Variants in ETV6 observed in about 807,000 individuals in gnomAD.
The protein encoded by ETV6 is ETS variant transcription factor 6, also known as transcription factor ETV6.
Under a neutral mutation model 51.1 loss-of-function variants are expected in ETV6, and 16 were observed. The observed-to-expected ratio is 0.31, with a 90% CI of 0.21 to 0.48. The LOEUF (loss-of-function observed/expected upper bound fraction) is 0.48, where lower values mean the gene tolerates loss of function less well. Among genes scored for constraint, ETV6 ranks in the 20% least tolerant of loss-of-function variants. ETV6 has a pLI of 0.99. For missense variants in ETV6, 458 were observed against 594.8 expected, an observed-to-expected ratio of 0.77 and a Z score of 2.39; for synonymous variants, 240 against 224.1, an observed-to-expected ratio of 1.07 and a Z score of -0.64.
rs1308270481 is a variant in ETV6, at chr12:11,687,502, A to G, written c.33+37342A>G. Among the ~76,000 whole-genome samples the G allele has an allele frequency of 7.2e-5, 11 of 152,090 alleles. No individual in the cohort carries two copies. In the East Asian group the frequency reaches 2.1e-3, roughly 29 times the overall value. On this transcript the variant is annotated intron_variant, in intron 1 of 7. Coordinates refer to ENST00000396373, the MANE Select transcript of ETV6 (RefSeq NM_001987.5). ...CGCCACACCCCCTTTTTTTCTTAAT[A>G]AGAAAATGAGTAGACACATCCCTGG...
intron 1 of ETV6, among the ~76,000 whole-genome samples, chr12:11,691,819 T>G (rs531293314): frequency 6.6e-6 from 1 of 152,378 alleles, no homozygotes; most frequent in East Asian, 1.9e-4. Flanking sequence ...TATTCATGTA[T>G]GTATAATCAG....
In ETV6 at chr12:11,869,469, A is replaced by G; in HGVS notation, c.509A>G (p.His170Arg). 1.2e-6 allele frequency: 2 copies of G among 1,613,996 alleles called. No individual in the cohort carries two copies. Among genetic ancestry groups the G allele is most frequent in the South Asian group, 2.2e-5 (2 of 91,068 alleles). Residue 170 changes from histidine (H) to arginine (R), a missense_variant, in exon 5 of 8, where the codon CAC (histidine) becomes CGC (arginine). Physicochemically the swap from His to Arg is conservative, Grantham distance 29 (BLOSUM62 0). Coordinates refer to ENST00000396373, the MANE Select transcript of ETV6 (RefSeq NM_001987.5). The surrounding 1 kb of genome is among the most constrained non-coding windows in gnomAD (Gnocchi z 5.0). ...CCCAGGCCATCCGTGGATAATGTGC[A>G]CCATAACCCTCCCACCATTGAACTG... The part of the protein sequence containing the change: ...RTPRPSVDNV[H>R]HNPPTIELLH...
In ETV6 at chr12:11,650,148, G is replaced by A; in HGVS notation, c.21G>A (p.Gln7=). Residue 7 remains glutamine (Q), a synonymous_variant, in exon 1 of 8, where the codon CAG becomes CAA. Transcript: ENST00000396373. Reference sequence around the variant, plus strand: ...GAGACATGTCTGAGACTCCTGCTCAGTGTAGCATTAAGGTAAAAATCTTCT... The same window carrying A: ...GAGACATGTCTGAGACTCCTGCTCAATGTAGCATTAAGGTAAAAATCTTCT... The part of the protein sequence containing the change: MSETPA[Q]CSIKQERISY... The A allele has an allele frequency of 6.2e-7, 1 of 1,613,776 alleles. No homozygotes were observed. Among genetic ancestry groups the A allele is most frequent in the Non-Finnish European group, 8.5e-7 (1 of 1,179,780 alleles).
intron 1 of ETV6, chr12:11,750,955 A>G (rs997118010): frequency 6.8e-6 from 3 of 443,402 alleles, no homozygotes; most frequent in Non-Finnish European, 1.3e-5. Flanking sequence ...TTTTTACAGG[A>G]CATCTTAATT....
intron 7 of ETV6, among the ~76,000 whole-genome samples, chr12:11,889,365 G>A (rs1409408674): frequency 6.6e-6 from 1 of 152,198 alleles, no homozygotes; most frequent in Non-Finnish European, 1.5e-5. Context: ...GGAGAGATTA[G>A]TCCATTTTGA....
At chr12:11,747,727 G>A (rs550990840) in intron 1 of ETV6, among the ~76,000 whole-genome samples, 1 of 152,118 alleles carries the variant, frequency 6.6e-6, no homozygotes, top group Non-Finnish European at 1.5e-5. Context: ...AGGTTCTTGT[G>A]TATATCTGTG....
rs1947309927 is a variant in ETV6, at chr12:11,892,475, TTC to T, written c.*1431_*1432del. The T allele has an allele frequency of 4.3e-6, 1 of 233,044 alleles. No individual in the cohort carries two copies. Among genetic ancestry groups the T allele is most frequent in the Admixed American group, 5.6e-5 (1 of 17,768 alleles). 14.4% of individuals were successfully genotyped at this position (233,044 alleles called of 1,614,324 possible). A position where few individuals can be genotyped will look rare whatever the true frequency, so the allele number is the denominator to read the frequency against. On this transcript the variant is annotated 3_prime_UTR_variant, in exon 8 of 8. Coordinates refer to ENST00000396373, the MANE Select transcript of ETV6 (RefSeq NM_001987.5). Reference sequence around the variant, plus strand: ...TCTTGTAAAATGAGGGTAGTGCCACTTCTTAGTATTTTTGAAAGCTGTTTTAG... The same window carrying T: ...TCTTGTAAAATGAGGGTAGTGCCACTTTAGTATTTTTGAAAGCTGTTTTAG...
intron 2 of ETV6, among the ~76,000 whole-genome samples, chr12:11,790,529 T>C (rs891371289): frequency 3.9e-5 from 6 of 152,088 alleles, no homozygotes; most frequent in Middle Eastern, 3.4e-3. Flanking sequence ...TCCTGGAGGG[T>C]AGATTCTAGC....
At chr12:11,792,173 TTAGGCAG>T (rs1945608562) in intron 2 of ETV6, among the ~76,000 whole-genome samples, 1 of 152,204 alleles carries the variant, frequency 6.6e-6, no homozygotes, top group Non-Finnish European at 1.5e-5. Context: ...TACAGAACAC[TTAGGCAG>T]TATGTTGCCC....
intron 2 of ETV6, among the ~76,000 whole-genome samples, chr12:11,787,812 A>G (rs1334113186): frequency 6.6e-6 from 1 of 152,194 alleles, no homozygotes; most frequent in East Asian, 1.9e-4. Flanking sequence ...GCAGTTTTCT[A>G]AAGCCCTAAG....
chr12:11,839,087 C>T, intron 2 of ETV6, 53 bp from the exon 3 acceptor site: 1 of 1,568,794 alleles, frequency 6.4e-7, no homozygotes, highest in Middle Eastern at 1.7e-4. Context: ...TTCCAGCTGT[C>T]TAACTGACAA....
intron 2 of ETV6, among the ~76,000 whole-genome samples, chr12:11,798,832 G>A (rs1475500351): frequency 6.6e-6 from 1 of 152,118 alleles, no homozygotes; most frequent in Non-Finnish European, 1.5e-5. Flanking sequence ...AGTCCATTTT[G>A]CTAGTATTTG....
chr12:11,832,564 G>C (rs1173455827), intron 2 of ETV6, among the ~76,000 whole-genome samples: 1 of 152,218 alleles, frequency 6.6e-6, no homozygotes, highest in African/African-American at 2.4e-5. Context: ...CAGCTAACCT[G>C]ATGGAACTTC....
intron 1 of ETV6, among the ~76,000 whole-genome samples, chr12:11,689,506 C>G (rs1431005927): frequency 6.6e-6 from 1 of 152,116 alleles, no homozygotes; most frequent in Admixed American, 6.5e-5. Context: ...GGAGAAAAAA[C>G]TTGATTGTCA....
intron 3 of ETV6, among the ~76,000 whole-genome samples, chr12:11,845,290 C>G (rs975878653): frequency 2.0e-5 from 3 of 152,212 alleles, no homozygotes; most frequent in African/African-American, 7.2e-5. Context: ...CCTAGGTAGC[C>G]TTGCAGATGA....
At position 11,778,811 on chromosome 12, in the gene ETV6, C is replaced by T. The variant is rs149775050; in HGVS notation, c.163+26232C>T. Among the ~76,000 whole-genome samples, 19 of 152,272 alleles carry T rather than the reference C, an allele frequency of 1.2e-4. No homozygotes were observed. The East Asian group carries it at 1.3e-3, about 11-fold the overall frequency. ...TTCTTTCTTTAAGATTGGAGCCCTC[C>T]GTGTGAGTGATTTCAGGATAAAAGG... On this transcript the variant is annotated intron_variant, in intron 2 of 7. Coordinates refer to ENST00000396373, the MANE Select transcript of ETV6 (RefSeq NM_001987.5).
intron 5 of ETV6, among the ~76,000 whole-genome samples, chr12:11,874,886 G>A (rs1327316844): frequency 7.2e-6 from 1 of 138,234 alleles, no homozygotes; most frequent in Non-Finnish European, 1.5e-5. Context: ...TCACACACCG[G>A]GTCCTGTTAT....
At chr12:11,884,170 G>A (rs1203690730) in intron 5 of ETV6, among the ~76,000 whole-genome samples, 1 of 152,160 alleles carries the variant, frequency 6.6e-6, no homozygotes, top group African/African-American at 2.4e-5. Context: ...TTTGGGTCAC[G>A]ACCGTGGACT....
intron 2 of ETV6, among the ~76,000 whole-genome samples, chr12:11,763,494 C>A (rs1945121725): frequency 6.6e-6 from 1 of 152,160 alleles, no homozygotes; most frequent in Non-Finnish European, 1.5e-5. Context: ...CAGAGACCCA[C>A]AAAAACCTAA....
Sources: allele counts gnomAD v4.1 joint callset (sites outside exome capture counted in the v4.1 genomes callset), GRCh38; gene constraint gnomAD v4.1.1; non-coding constraint Gnocchi (gnomAD v3.1); transcripts MANE v1.5; gene names NCBI Gene and HGNC (gene_info 2026-07-23, HGNC 2026-07-21).